TENM2: variants seen among roughly 807,000 people sequenced by gnomAD.
The protein encoded by TENM2 is teneurin transmembrane protein 2, also known as teneurin-2.
TENM2 carries 52 observed loss-of-function variants against 245.2 expected under a neutral mutation model. The observed-to-expected ratio is 0.21, with a 90% CI of 0.17 to 0.27. The LOEUF (loss-of-function observed/expected upper bound fraction) is 0.27. Ranked by LOEUF, TENM2 falls within the 10% of genes least tolerant of loss-of-function variation. The probability of loss-of-function intolerance (pLI) is 1.00; values close to 1 mark genes in which losing one functional copy is unlikely to be tolerated. For synonymous variants in TENM2, 1,363 were observed against 1,438.9 expected, an observed-to-expected ratio of 0.95 and a Z score of 1.19; for missense variants, 3,046 against 3,666.8, an observed-to-expected ratio of 0.83 and a Z score of 4.37.
chr5:167,107,958 C>T, the TENM2 span, among the ~76,000 whole-genome samples: 5 of 152,182 alleles, frequency 3.3e-5, no homozygotes, highest in Admixed American at 6.5e-5. Flanking sequence ...CAGCAGAAGA[C>T]TCGGCCCACA....
At chr5:167,997,270 G>A (rs957200691) in intron 5 of TENM2, among the ~76,000 whole-genome samples, 5 of 152,106 alleles carry the variant, frequency 3.3e-5, no homozygotes, top group African/African-American at 1.2e-4. Flanking sequence ...TTCTCCTCAA[G>A]ATTGCAGTTA....
chr5:167,836,698 G>A (rs1050996633), intron 2 of TENM2, among the ~76,000 whole-genome samples: 2 of 152,082 alleles, frequency 1.3e-5, no homozygotes, highest in African/African-American at 2.4e-5. Flanking sequence ...GGACTCACAG[G>A]TTAATTAAAT....
At chr5:167,926,521 A>G (rs889033473) in intron 3 of TENM2, among the ~76,000 whole-genome samples, 1 of 152,132 alleles carries the variant, frequency 6.6e-6, no homozygotes, top group Non-Finnish European at 1.5e-5. Context: ...GGAGTTCGAG[A>G]CCAGCCTGGC....
At chr5:167,854,568 G>A (rs1161863524) in intron 2 of TENM2, among the ~76,000 whole-genome samples, 1 of 152,114 alleles carries the variant, frequency 6.6e-6, no homozygotes, top group Non-Finnish European at 1.5e-5. Flanking sequence ...CTTTATTGCT[G>A]GAGGTAAAAT....
At chr5:167,171,097 A>G in the TENM2 span, among the ~76,000 whole-genome samples, 61 of 152,204 alleles carry the variant, frequency 4.0e-4, no homozygotes, top group Non-Finnish European at 7.2e-4. Context: ...TCTTTAATGC[A>G]ACTGAATTGC....
At chr5:167,854,716 TGCATATATA>T (rs949981257) in intron 2 of TENM2, among the ~76,000 whole-genome samples, 4 of 152,204 alleles carry the variant, frequency 2.6e-5, no homozygotes, top group African/African-American at 9.6e-5. Flanking sequence ...GCAAGCACAT[TGCATATATA>T]TGTAAATGCG....
At chr5:167,078,759 G>A in the TENM2 span, among the ~76,000 whole-genome samples, 2 of 152,152 alleles carry the variant, frequency 1.3e-5, no homozygotes, top group South Asian at 4.2e-4. Flanking sequence ...TGCTTTTTGT[G>A]TGCTTCTGTT....
At chr5:167,888,267 C>T (rs1331357926) in intron 3 of TENM2, among the ~76,000 whole-genome samples, 4 of 152,156 alleles carry the variant, frequency 2.6e-5, no homozygotes, top group South Asian at 2.1e-4. Context: ...CCACCATGCT[C>T]GTTGACTGCA....
At chr5:168,126,169 G>A (rs181942676) in intron 11 of TENM2, among the ~76,000 whole-genome samples, 38 of 152,160 alleles carry the variant, frequency 2.5e-4, no homozygotes, top group Non-Finnish European at 4.6e-4. Flanking sequence ...CATTATCACC[G>A]CCAAGGTACC....
intron 27 of TENM2, among the ~76,000 whole-genome samples, chr5:168,249,666 G>A (rs891332666): frequency 6.6e-6 from 1 of 152,122 alleles, no homozygotes; most frequent in Non-Finnish European, 1.5e-5. Context: ...AAGAAAGGCA[G>A]ATTATCTACT....
At chr5:166,996,880 C>G in the TENM2 span, among the ~76,000 whole-genome samples, 3 of 152,182 alleles carry the variant, frequency 2.0e-5, no homozygotes, top group African/African-American at 7.2e-5. Context: ...TTTCTTTTCT[C>G]TGATCCATGA....
intron 2 of TENM2, among the ~76,000 whole-genome samples, chr5:167,834,493 G>A (rs757618041): frequency 6.6e-6 from 1 of 152,134 alleles, no homozygotes; most frequent in Non-Finnish European, 1.5e-5. Context: ...TGTATTTGAA[G>A]CTGATTTCAT....
intron 1 of TENM2, among the ~76,000 whole-genome samples, chr5:167,322,056 T>A (rs1156515022): frequency 6.6e-6 from 1 of 151,944 alleles, no homozygotes; most frequent in Non-Finnish European, 1.5e-5. Flanking sequence ...GGTCTTGAAC[T>A]CCTGACCTCA....
chr5:168,216,942 C>T lies in TENM2; in HGVS notation c.4233+20C>T, dbSNP rs1423168649. The T allele has an allele frequency of 3.1e-6, 5 of 1,612,642 alleles. No homozygotes were observed. In the Admixed American group the frequency reaches 8.4e-5, roughly 27 times the overall value. On this transcript the variant is annotated intron_variant, in intron 22 of 28. Coordinates refer to ENST00000518659, the Ensembl canonical transcript of TENM2. ...GCCCAGGTGAGACTCTTTCTTATTT[C>T]TCTTCACTAAGCAACACCTGCCCCT...
chr5:167,735,427 A>G (rs967840402), intron 2 of TENM2, among the ~76,000 whole-genome samples: 1 of 152,218 alleles, frequency 6.6e-6, no homozygotes, highest in African/African-American at 2.4e-5. Context: ...TACTAAATAA[A>G]TGTAATTTGG....
At chr5:167,881,400 GC>G (rs1348878934) in intron 3 of TENM2, among the ~76,000 whole-genome samples, 3 of 152,100 alleles carry the variant, frequency 2.0e-5, no homozygotes, top group African/African-American at 7.2e-5. Context: ...CCTCCTCCCA[GC>G]TTCACTCCGT....
At chr5:167,825,144 G>A (rs993249242) in intron 2 of TENM2, among the ~76,000 whole-genome samples, 2 of 152,160 alleles carry the variant, frequency 1.3e-5, no homozygotes, top group African/African-American at 2.4e-5. Flanking sequence ...AATGGTGGGT[G>A]TGTTCTGCTT....
At chr5:167,463,729 C>T (rs1229734498) in intron 2 of TENM2, among the ~76,000 whole-genome samples, 1 of 152,126 alleles carries the variant, frequency 6.6e-6, no homozygotes, top group African/African-American at 2.4e-5. Context: ...CTCCTGGCCT[C>T]AGGCGATCTG....
intron 4 of TENM2, among the ~76,000 whole-genome samples, chr5:167,965,752 T>C (rs575505883): frequency 6.6e-6 from 1 of 152,154 alleles, no homozygotes; most frequent in African/African-American, 2.4e-5. Flanking sequence ...TATGTTACTA[T>C]CCATATTTAA....
Sources: allele counts gnomAD v4.1 joint callset (sites outside exome capture counted in the v4.1 genomes callset), GRCh38; gene constraint gnomAD v4.1.1; transcripts MANE v1.5; gene names NCBI Gene and HGNC (gene_info 2026-07-23, HGNC 2026-07-21).